Variants in CYRIB observed in about 807,000 individuals in gnomAD.
CYRIB encodes CYFIP-related Rac1 interactor B.
Under a neutral mutation model 44.2 loss-of-function variants are expected in CYRIB, and 8 were observed. The ratio of observed to expected loss-of-function variants is 0.18; its 90% CI spans 0.11 to 0.33. CYRIB has a LOEUF of 0.33. Among genes scored for constraint, CYRIB ranks in the 10% least tolerant of loss-of-function variants. The pLI is 1.00. For missense variants in CYRIB, 185 were observed against 382.8 expected (o/e 0.48, Z 4.31); for synonymous variants, 131 against 127.2 (o/e 1.03, Z -0.20).
At chr8:129,983,820 C>T (rs1276351285) in intron 1 of CYRIB, among the ~76,000 whole-genome samples, 1 of 152,224 alleles carries the variant, frequency 6.6e-6, no homozygotes, top group Non-Finnish European at 1.5e-5. Context: ...CTCTCCCTCC[C>T]GCTGGGTGCG....
In CYRIB at chr8:130,000,148, G is replaced by GCA. The variant is rs1236980978; in HGVS notation, c.-296+16220_-296+16221dup. Reference sequence around the variant, plus strand: ...TTCATTCTTCACTCCTTCAGCCACAGCACCTGACTTACTTATCACTTCCTT... The same window carrying GCA: ...TTCATTCTTCACTCCTTCAGCCACAGCACACCTGACTTACTTATCACTTCCTT... On this transcript the variant is annotated intron_variant, in intron 1 of 14. Transcript: ENST00000401979. Among the ~76,000 whole-genome samples the GCA allele has an allele frequency of 5.3e-5, 8 of 152,294 alleles. No homozygotes were observed. In the South Asian group the frequency reaches 1.7e-3, roughly 32 times the overall value.
intron 1 of CYRIB, among the ~76,000 whole-genome samples, chr8:130,005,938 C>A (rs762268839): frequency 6.6e-6 from 1 of 152,164 alleles, no homozygotes; most frequent in Non-Finnish European, 1.5e-5. Flanking sequence ...GGGCAGATTA[C>A]CCTTAACAGA....
chr8:129,902,791 C>A (rs963199027), intron 2 of CYRIB, among the ~76,000 whole-genome samples: 2 of 152,038 alleles, frequency 1.3e-5, no homozygotes, highest in Non-Finnish European at 2.9e-5. Flanking sequence ...ATTAAAACAA[C>A]TGCAGGATTA....
intron 1 of CYRIB, among the ~76,000 whole-genome samples, chr8:130,006,638 G>GTGTATATATATACACATAT (rs2097100501): frequency 1.2e-5 from 1 of 84,896 alleles, no homozygotes; most frequent in African/African-American, 4.4e-5. Context: ...ACATATATAT[G>GTGTATATATATACACATAT]TGTATATATA....
At chr8:129,978,520 A>G (rs1219625947) in intron 1 of CYRIB, among the ~76,000 whole-genome samples, 1 of 152,242 alleles carries the variant, frequency 6.6e-6, no homozygotes, top group East Asian at 1.9e-4. Flanking sequence ...AGGATGATAC[A>G]GAACAAAAGA....
upstream of CYRIB, chr8:130,016,561 A>G (rs2097353381): frequency 1.3e-5 from 2 of 153,124 alleles, no homozygotes; most frequent in Non-Finnish European, 2.9e-5. Flanking sequence ...AGAAATAACT[A>G]TAAAAGGAAG....
At chr8:129,920,211 A>C (rs2082866312) in intron 1 of CYRIB, among the ~76,000 whole-genome samples, 1 of 152,234 alleles carries the variant, frequency 6.6e-6, no homozygotes, top group South Asian at 2.1e-4. Flanking sequence ...TGTCCTATGA[A>C]GTGGTTCTTT....
chr8:129,941,307 G>A (rs1429154371), upstream of CYRIB, among the ~76,000 whole-genome samples: 1 of 129,726 alleles, frequency 7.7e-6, no homozygotes, highest in African/African-American at 2.9e-5. Context: ...ATGGAGTCTC[G>A]CTGTCACCCA....
chr8:129,854,240 C>A (rs1404314476), intron 7 of CYRIB, 26 bp downstream of exon 9: 2 of 1,513,572 alleles, frequency 1.3e-6, no homozygotes, highest in East Asian at 4.5e-5. Context: ...CTCTTACCAT[C>A]CCCCTAATTC....
At chr8:129,887,304 T>C (rs1564646193) in intron 2 of CYRIB, among the ~76,000 whole-genome samples, 1 of 152,204 alleles carries the variant, frequency 6.6e-6, no homozygotes, top group Non-Finnish European at 1.5e-5. Context: ...TTGGCAGCTT[T>C]GATGGGTGTT....
intron 7 of CYRIB, among the ~76,000 whole-genome samples, chr8:129,853,786 C>A (rs140364609): frequency 1.1e-3 from 162 of 152,270 alleles, no homozygotes; most frequent in African/African-American, 3.1e-3. Context: ...CTATATCAGG[C>A]ACAGATGTGT....
intron 9 of CYRIB, chr8:129,850,595 T>TC (rs1015498916): frequency 3.2e-5 from 16 of 499,416 alleles, no homozygotes; most frequent in Non-Finnish European, 5.6e-5. Context: ...AGAGTCTGAG[T>TC]CAGTCTGAGT....
intron 2 of CYRIB, among the ~76,000 whole-genome samples, chr8:129,900,215 G>GTAAAAAAAAAAAAAAAAAAAC (rs1370418802): frequency 6.6e-6 from 1 of 152,086 alleles, no homozygotes; most frequent in African/African-American, 2.4e-5. Context: ...AAAATGTGGG[G>GTAAAAAAAAAAAAAAAAAAAC]CTTAATCCAC....
At chr8:129,860,183 C>T (rs965613252) in intron 5 of CYRIB, among the ~76,000 whole-genome samples, 3 of 152,248 alleles carry the variant, frequency 2.0e-5, no homozygotes, top group Admixed American at 1.3e-4. Context: ...ATGGGACACA[C>T]ACCACGAGAC....
At chr8:129,845,445 A>G (rs1030315861) in intron 11 of CYRIB, among the ~76,000 whole-genome samples, 1 of 152,198 alleles carries the variant, frequency 6.6e-6, no homozygotes, top group Non-Finnish European at 1.5e-5. Flanking sequence ...CGTTGTAAAA[A>G]CCCCAAGAAT....
At chr8:129,982,080 C>T (rs982004753) in intron 1 of CYRIB, among the ~76,000 whole-genome samples, 5 of 152,204 alleles carry the variant, frequency 3.3e-5, no homozygotes, top group Non-Finnish European at 5.9e-5. Context: ...CAGGGAATTT[C>T]CTAGCTTTAG....
intron 5 of CYRIB, 72 bp downstream of exon 7, chr8:129,862,157 A>T: frequency 8.8e-7 from 1 of 1,141,998 alleles, no homozygotes; most frequent in South Asian, 1.3e-5. Flanking sequence ...AACATAAAAA[A>T]ACTCTAAACT....
intron 2 of CYRIB, among the ~76,000 whole-genome samples, chr8:129,900,790 G>A (rs1202151581): frequency 1.3e-5 from 2 of 151,942 alleles, no homozygotes; most frequent in East Asian, 1.9e-4. Flanking sequence ...AGCGGTTCTC[G>A]TGCTTCAGCC....
intron 4 of CYRIB, among the ~76,000 whole-genome samples, chr8:129,865,329 T>C (rs1246845814): frequency 2.0e-5 from 3 of 152,218 alleles, no homozygotes; most frequent in Non-Finnish European, 4.4e-5. Context: ...TGATTAATCT[T>C]ACAGCTTTAT....
Sources: gnomAD v4.1 joint callset for allele counts (sites outside exome capture counted in the v4.1 genomes callset) on GRCh38, gnomAD v4.1.1 for gene constraint, MANE v1.5 for transcripts, NCBI Gene and HGNC (gene_info 2026-07-23, HGNC 2026-07-21) for gene names.